MASP2: variants seen among roughly 807,000 people sequenced by gnomAD.
The protein encoded by MASP2 is MBL associated serine protease 2.
A neutral mutation model predicts 57.1 loss-of-function variants in MASP2; 49 were observed. The observed-to-expected ratio is 0.86, with a 90% CI of 0.68 to 1.09. MASP2 has a LOEUF of 1.09. Ranked by LOEUF, MASP2 falls within the 50% of genes least tolerant of loss-of-function variation. The pLI, the probability that MASP2 is intolerant of heterozygous loss-of-function variation, is 0.00. For missense variants in MASP2, 900 were observed against 874.8 expected (o/e 1.03, Z -0.36); for synonymous variants, 379 against 340.8 (o/e 1.11, Z -1.24).
intron 6 of MASP2, among the ~76,000 whole-genome samples, chr1:11,039,817 AGGATG>A (rs1338137681): frequency 7.0e-6 from 1 of 142,650 alleles, no homozygotes; most frequent in East Asian, 2.3e-4. Context: ...GATAGATAGA[AGGATG>A]GGTGGATGCA....
chr1:11,027,668 G>C lies in MASP2; in HGVS notation c.1298-20C>G, dbSNP rs1279236082. On this transcript the variant is annotated intron_variant, in intron 10 of 10. Transcript: ENST00000400897. ...CACAAACTGGAGAAAGAAGCAGATA[G>C]GTAGAGAGCCTTTGTAAAAATGTCA... is the stretch of plus-strand genomic sequence containing the variant. 1 of 1,568,106 alleles carries C rather than the reference G, an allele frequency of 6.4e-7. No homozygotes were observed. Among genetic ancestry groups the C allele is most frequent in the South Asian group, 1.2e-5 (1 of 83,834 alleles).
At chr1:11,037,397 C>G (rs1638273298) in intron 7 of MASP2, among the ~76,000 whole-genome samples, 1 of 150,776 alleles carries the variant, frequency 6.6e-6, no homozygotes, top group Non-Finnish European at 1.5e-5. Context: ...CCAAGTTGCC[C>G]ATTTTAATCA....
rs150249517 is a variant in MASP2 at position 11,037,798 on chromosome 1, A to C, written c.903T>G (p.Pro301=). The C allele has an allele frequency of 3.7e-5, 60 of 1,609,992 alleles. No individual in the cohort carries two copies. Among genetic ancestry groups the C allele is most frequent in the Non-Finnish European group, 4.8e-5 (56 of 1,177,994 alleles). ...IHYTSTAQPC[P]YPMAPPNGHV... is the part of the protein sequence containing the mutation. ...GGCCATTAGGTGGCGCCATCGGATA[A>C]GGGCAAGGCTGCGCTGCGCAGAGGA... Residue 301 remains proline, a synonymous_variant, in exon 7 of 11, where the codon CCT becomes CCG. Transcript: ENST00000400897.
intron 6 of MASP2, among the ~76,000 whole-genome samples, chr1:11,041,753 G>GATA (rs1336506994): frequency 3.5e-4 from 53 of 149,420 alleles, no homozygotes; most frequent in East Asian, 4.0e-4. Context: ...TGGGTGGGTG[G>GATA]GTGGATGGAT....
rs201189421 is a variant in MASP2 at position 11,043,387 on chromosome 1, G to A, written c.693C>T (p.Phe231=). ...GGGTTTCAGGGTGTGTCTCCACATC[G>A]AAGGACTCCACAAAGTCCAGAATGA... ...FSVILDFVES[F]DVETHPETLC... The change falls in exon 5 of 11, where the codon TTC becomes TTT. Residue 231 remains phenylalanine, a synonymous_variant. Coordinates refer to ENST00000400897, the MANE Select transcript of MASP2 (RefSeq NM_006610.4). 10 of 1,609,904 alleles carry A rather than the reference G, an allele frequency of 6.2e-6. No homozygotes were observed. The African/African-American group carries it at 8.0e-5, about 13-fold the overall frequency.
intron 6 of MASP2, among the ~76,000 whole-genome samples, chr1:11,042,355 A>T (rs1441872943): frequency 6.7e-6 from 1 of 148,386 alleles, no homozygotes; most frequent in Middle Eastern, 3.5e-3. Context: ...CTGATGATAG[A>T]AGAATGGATA....
chr1:11,045,259 T>TCTGTGTCTGTGCTCTCCTGCCCGCACAGC, intron 4 of MASP2, 149 bp downstream of exon 4: 1 of 1,172,482 alleles, frequency 8.5e-7, no homozygotes, highest in Non-Finnish European at 1.2e-6. Context: ...GAAGCAGGGC[T>TCTGTGTCTGTGCTCTCCTGCCCGCACAGC]GAGAAGGGGA....
chr1:11,028,550 C>G (rs576602861), intron 10 of MASP2, among the ~76,000 whole-genome samples: 1 of 152,150 alleles, frequency 6.6e-6, no homozygotes, highest in East Asian at 1.9e-4. Flanking sequence ...AAATTAAATA[C>G]GCCCATTAAT....
intron 5 of MASP2, 129 bp from the exon 6 acceptor site, chr1:11,043,151 C>G (rs908383803): frequency 1.2e-4 from 129 of 1,062,064 alleles, no homozygotes; most frequent in Non-Finnish European, 1.7e-4. Context: ...GATTGGGGTG[C>G]CCCTCCCCAC....
chr1:11,041,595 GA>G (rs1364326364), intron 6 of MASP2, among the ~76,000 whole-genome samples: 30 of 126,676 alleles, frequency 2.4e-4, no homozygotes, highest in African/African-American at 8.8e-4. Context: ...TGGGTGGATG[GA>G]TGGTGGATGG....
rs368040764 is a variant in MASP2 at position 11,043,338 on chromosome 1, C to T, written c.741+1G>A. 4 of 1,603,090 alleles carry T rather than the reference C, an allele frequency of 2.5e-6. No individual in the cohort carries two copies. The highest frequency in any genetic ancestry group is 1.7e-4 in the Middle Eastern group (1 of 6,046). ...CAAGATGAGGGGCCCAGGAGCCAGA[C>T]CTTGAGAAAGTCGTAGGGACACAGG... is the stretch of plus-strand genomic sequence containing the variant. On this transcript the variant is annotated splice_donor_variant, in intron 5 of 10. Transcript: ENST00000400897. LOFTEE classifies it high-confidence loss of function.
intron 5 of MASP2, 88 bp downstream of exon 5, chr1:11,043,251 G>C: frequency 4.1e-6 from 5 of 1,228,394 alleles, no homozygotes; most frequent in Non-Finnish European, 5.7e-6. Context: ...TGACGGGAAC[G>C]TGGTGGGGGC....
At position 11,028,711 on chromosome 1, in the gene MASP2, T is replaced by G. The variant is rs1307160229; in HGVS notation, c.1298-1063A>C. ...TATCTTTCTGGGTTTTTTTTCTTTT[T>G]TTTTTTTTTTTTTTTTTTTTGAGAC... is the stretch of plus-strand genomic sequence containing the variant. On this transcript the variant is annotated intron_variant, in intron 10 of 10. Coordinates refer to ENST00000400897, the MANE Select transcript of MASP2 (RefSeq NM_006610.4). Among the ~76,000 whole-genome samples the G allele has an allele frequency of 4.8e-3, 694 of 145,468 alleles. 2 individuals are homozygous for G. Among genetic ancestry groups the G allele is most frequent in the South Asian group, 8.7e-3 (39 of 4,484 alleles).
chr1:11,039,190 G>A (rs140099549), intron 6 of MASP2, among the ~76,000 whole-genome samples: 1,770 of 152,332 alleles, frequency 0.012, 67 homozygotes, highest in South Asian at 0.07. Flanking sequence ...GCTCTAGGCT[G>A]TGCTTGCCAC....
At chr1:11,035,196 AT>A (rs558344116) in intron 7 of MASP2, among the ~76,000 whole-genome samples, 24 of 149,460 alleles carry the variant, frequency 1.6e-4, no homozygotes, top group African/African-American at 4.2e-4. Context: ...GCAATTTATA[AT>A]TTTTTTTTTG....
intron 5 of MASP2, 85 bp downstream of exon 5, chr1:11,043,254 G>A: frequency 8.0e-7 from 1 of 1,254,218 alleles, no homozygotes; most frequent in Non-Finnish European, 1.1e-6. Flanking sequence ...CGGGAACGTG[G>A]TGGGGGCCAT....
Position 11,046,728 on chromosome 1 carries a change from G to A in MASP2, c.240C>T (p.Ser80=), listed in dbSNP as rs1423253748. The part of the protein sequence containing the change: ...HLCEYDFVKL[S]SGAKVLATLC... The stretch of plus-strand genomic sequence containing the variant: ...GCGTGGCCAGCACCTTGGCCCCCGA[G>A]CTCAGCTGTGGGGTCAGGTGTCACA... Residue 80 remains serine, a synonymous_variant, in exon 3 of 11, where the codon AGC becomes AGT. Coordinates refer to ENST00000400897, the MANE Select transcript of MASP2 (RefSeq NM_006610.4). The A allele has an allele frequency of 6.2e-7, 1 of 1,611,984 alleles. No individual in the cohort carries two copies. Among genetic ancestry groups the A allele is most frequent in the Admixed American group, 1.7e-5 (1 of 59,948 alleles).
intron 7 of MASP2, among the ~76,000 whole-genome samples, chr1:11,035,894 CAAAAAAAAAAA>C (rs61214689): frequency 1.0e-5 from 1 of 96,196 alleles, no homozygotes; most frequent in Non-Finnish European, 2.1e-5. Context: ...AGACCCTGTC[CAAAAAAAAAAA>C]AAAAAAAAAA....
At position 11,045,474 on chromosome 1, in the gene MASP2, G is replaced by C. The variant is rs767512650; in HGVS notation, c.478C>G (p.Leu160Val). 1.2e-6 allele frequency: 2 copies of C among 1,613,078 alleles called. No individual in the cohort carries two copies. Among genetic ancestry groups the C allele is most frequent in the Non-Finnish European group, 1.7e-6 (2 of 1,179,968 alleles). The change falls in exon 4 of 11, where the codon CTG becomes GTG. Residue 160 changes from leucine to valine, a missense_variant. Transcript: ENST00000400897. The stretch of plus-strand genomic sequence containing the variant: ...CGGCAGGAGCAGTAGAAACCGCCCA[G>C]GTGGTTGTGGCAGTGGTGGTCGCAG... The part of the protein sequence containing the change: ...PTCDHHCHNH[L>V]GGFYCSCRAG...
Sources: allele counts gnomAD v4.1 joint callset (sites outside exome capture counted in the v4.1 genomes callset), GRCh38; gene constraint gnomAD v4.1.1; transcripts MANE v1.5; gene names NCBI Gene and HGNC (gene_info 2026-07-23, HGNC 2026-07-21).